Variants in PPHLN1 observed in about 807,000 individuals in gnomAD.
PPHLN1 encodes periphilin-1.
PPHLN1 carries 29 observed loss-of-function variants against 51.3 expected under a neutral mutation model. The ratio of observed to expected loss-of-function variants is 0.57; its 90% CI spans 0.42 to 0.77. The LOEUF is 0.77. Ranked by LOEUF, PPHLN1 falls within the 30% of genes least tolerant of loss-of-function variation. The probability of loss-of-function intolerance (pLI) is 0.00; values close to 1 mark genes in which losing one functional copy is unlikely to be tolerated. For missense variants in PPHLN1, 436 were observed against 438.4 expected (o/e 0.99, Z 0.05); for synonymous variants, 147 against 147.8 (o/e 0.99, Z 0.04).
Position 42,374,846 on chromosome 12 carries a change from T to TG in PPHLN1, c.300-17_300-16insG. ...AGAGTATAATTAACTTATTTTATGT[T>TG]TTTTTTTTTTTCAAAGGGACATGAG... On this transcript the variant is annotated splice_polypyrimidine_tract_variant and intron_variant, in intron 4 of 9. Transcript: ENST00000358314. 6.6e-7 allele frequency: 1 copy of TG among 1,513,158 alleles called. No homozygotes were observed. The highest frequency in any genetic ancestry group is 2.0e-5 in the Admixed American group (1 of 48,928). The allele number at this position is 1,513,158 out of a possible 1,614,324, so 93.7% of individuals were successfully genotyped here. A position where few individuals can be genotyped will look rare whatever the true frequency, so the allele number is the denominator to read the frequency against.
At chr12:42,391,401 G>T (rs2077700024) in intron 7 of PPHLN1, among the ~76,000 whole-genome samples, 1 of 152,000 alleles carries the variant, frequency 6.6e-6, no homozygotes, top group Non-Finnish European at 1.5e-5. Flanking sequence ...ACCACACCTG[G>T]CTAATTTTTG....
chr12:42,419,327 T>C (rs1592889851), intron 9 of PPHLN1, among the ~76,000 whole-genome samples: 1 of 151,324 alleles, frequency 6.6e-6, no homozygotes, highest in Admixed American at 6.6e-5. Flanking sequence ...CTGCAACCTC[T>C]GCCTCCCGGG....
chr12:42,426,243 C>G (rs916863521), intron 9 of PPHLN1, among the ~76,000 whole-genome samples: 1 of 149,478 alleles, frequency 6.7e-6, no homozygotes, highest in African/African-American at 2.5e-5. Flanking sequence ...CATGCATTGT[C>G]TCATGGCAGT....
chr12:42,378,045 CAT>C (rs1260154626), intron 5 of PPHLN1, among the ~76,000 whole-genome samples: 2 of 152,068 alleles, frequency 1.3e-5, no homozygotes, highest in African/African-American at 4.8e-5. Flanking sequence ...TGAAACAGAG[CAT>C]ATGACTTTAT....
downstream of PPHLN1, chr12:42,443,272 A>G (rs557002264): frequency 6.4e-4 from 98 of 152,824 alleles, no homozygotes; most frequent in South Asian, 1.4e-3. Context: ...GTTTTAGGCA[A>G]GCGGCATTAG....
intron 1 of PPHLN1, among the ~76,000 whole-genome samples, chr12:42,333,914 G>T (rs896673018): frequency 1.3e-5 from 2 of 152,146 alleles, no homozygotes; most frequent in African/African-American, 4.8e-5. Flanking sequence ...TTTTGAAGGA[G>T]GTTGAACATC....
chr12:42,381,288 C>G (rs2076736208), intron 5 of PPHLN1, among the ~76,000 whole-genome samples: 1 of 152,170 alleles, frequency 6.6e-6, no homozygotes, highest in Admixed American at 6.5e-5. Flanking sequence ...TCTTAATGAT[C>G]AAGGTTCTAA....
chr12:42,365,129 T>G (rs11181461), intron 4 of PPHLN1, among the ~76,000 whole-genome samples: 3 of 152,128 alleles, frequency 2.0e-5, no homozygotes, highest in African/African-American at 7.2e-5. Context: ...AGAGGTGATA[T>G]GGAAAATTCC....
intron 9 of PPHLN1, among the ~76,000 whole-genome samples, chr12:42,422,461 C>T (rs1051191209): frequency 6.6e-6 from 1 of 152,196 alleles, no homozygotes; most frequent in Non-Finnish European, 1.5e-5. Flanking sequence ...TCTTTTGGCT[C>T]TTGTGCTAAG....
intron 2 of PPHLN1, among the ~76,000 whole-genome samples, chr12:42,347,938 C>A (rs1215216364): frequency 2.0e-5 from 3 of 152,054 alleles, no homozygotes; most frequent in Non-Finnish European, 2.9e-5. Context: ...TTCCTTAAAT[C>A]TTTTCATATA....
chr12:42,393,676 T>C lies in PPHLN1; in HGVS notation c.755T>C (p.Ile252Thr). ...TCAGATGAAAGTAACTTGCCTGAAA[T>C]TTCTGAGTATGAGGTAAGGCATAAT... is the stretch of plus-strand genomic sequence containing the variant. ...EKSDESNLPE[I>T]SEYEAGSTAP... The change falls in exon 8 of 10, where the codon ATT (isoleucine) becomes ACT (threonine). Residue 252 changes from isoleucine to threonine, a missense_variant. Physicochemically the swap from Ile to Thr is moderately conservative, Grantham distance 89 (BLOSUM62 -1). Transcript: ENST00000358314. 1 of 1,607,546 alleles carries C rather than the reference T, an allele frequency of 6.2e-7. No individual in the cohort carries two copies. The highest frequency in any genetic ancestry group is 1.1e-5 in the South Asian group (1 of 89,726).
downstream of PPHLN1, chr12:42,447,661 C>G (rs567810558): frequency 1.2e-4 from 19 of 152,356 alleles, no homozygotes; most frequent in Admixed American, 1.1e-3. Context: ...CTCCCTTCCT[C>G]TTTCCATTTC....
In PPHLN1 at chr12:42,384,926, C is replaced by T. The variant is rs1244019293; in HGVS notation, c.512-14C>T. On this transcript the variant is annotated splice_polypyrimidine_tract_variant and intron_variant, in intron 5 of 9. Coordinates refer to ENST00000358314, the MANE Select transcript of PPHLN1 (RefSeq NM_201439.2). ...GGTGCTGCTGTTAATTCCTCCCTGC[C>T]CACCTTTCCATAGAGTCCGTGCGTC... 18 of 1,599,526 alleles carry T rather than the reference C, an allele frequency of 1.1e-5. No individual in the cohort carries two copies. The highest frequency in any genetic ancestry group is 1.4e-5 in the Non-Finnish European group (16 of 1,166,936).
Position 42,355,203 on chromosome 12 carries a change from A to G in PPHLN1, c.280A>G (p.Ser94Gly). The change falls in exon 4 of 10, where the codon AGC becomes GGC. Residue 94 changes from serine to glycine, a missense_variant. Physicochemically the swap from Ser to Gly is moderately conservative, Grantham distance 56. Transcript: ENST00000358314. ...YRWTRDDHSA[S>G]RQPEYRDMRD... The stretch of plus-strand genomic sequence containing the variant: ...ATGGACAAGAGACGATCATTCTGCA[A>G]GCAGGCAACCTGAATACAGGTAAAA... 1 of 1,613,726 alleles carries G rather than the reference A, an allele frequency of 6.2e-7. No homozygotes were observed. The highest frequency in any genetic ancestry group is 1.7e-4 in the Middle Eastern group (1 of 6,036).
chr12:42,403,506 T>C (rs2139385801), intron 9 of PPHLN1, among the ~76,000 whole-genome samples: 1 of 152,324 alleles, frequency 6.6e-6, no homozygotes, highest in Non-Finnish European at 1.5e-5. Flanking sequence ...CTAAAAGCTA[T>C]CTCTATAAGA....
At chr12:42,382,523 A>G (rs2138954900) in intron 5 of PPHLN1, among the ~76,000 whole-genome samples, 1 of 152,286 alleles carries the variant, frequency 6.6e-6, no homozygotes, top group Middle Eastern at 3.4e-3. Flanking sequence ...GCTTACAAAG[A>G]TCATGTGTGA....
At chr12:42,341,842 C>T (rs908063200) in intron 2 of PPHLN1, among the ~76,000 whole-genome samples, 1 of 152,066 alleles carries the variant, frequency 6.6e-6, no homozygotes, top group Non-Finnish European at 1.5e-5. Context: ...AGGATGGTCT[C>T]GATCTCCTGA....
At chr12:42,401,280 CTCTT>C (rs1354476773) in intron 9 of PPHLN1, among the ~76,000 whole-genome samples, 2 of 152,204 alleles carry the variant, frequency 1.3e-5, no homozygotes, top group African/African-American at 2.4e-5. Context: ...ACGAGTCTCT[CTCTT>C]TTTATTTTTA....
intron 9 of PPHLN1, among the ~76,000 whole-genome samples, chr12:42,415,631 G>A (rs1224174723): frequency 6.6e-6 from 1 of 152,162 alleles, no homozygotes; most frequent in East Asian, 1.9e-4. Context: ...GTGGCTCTTT[G>A]GGGCAGCCAT....
Sources: gnomAD v4.1 joint callset for allele counts (sites outside exome capture counted in the v4.1 genomes callset) on GRCh38, gnomAD v4.1.1 for gene constraint, MANE v1.5 for transcripts, NCBI Gene and HGNC (gene_info 2026-07-23, HGNC 2026-07-21) for gene names.